Variants in PRKCH observed in about 807,000 individuals in gnomAD.
PRKCH encodes protein kinase C eta.
A neutral mutation model predicts 82.5 loss-of-function variants in PRKCH; 28 were observed. The observed-to-expected ratio is 0.34, with a 90% CI of 0.25 to 0.47. The LOEUF (loss-of-function observed/expected upper bound fraction) is 0.47, where lower values mean the gene tolerates loss of function less well. PRKCH is among the 20% of genes least tolerant of loss of function. The pLI, the probability that PRKCH is intolerant of heterozygous loss-of-function variation, is 1.00. For missense variants in PRKCH, 705 were observed against 881.8 expected (o/e 0.80, Z 2.54); for synonymous variants, 322 against 327.4 (o/e 0.98, Z 0.18).
intron 10 of PRKCH, among the ~76,000 whole-genome samples, chr14:61,508,192 T>C (rs1021978659): frequency 6.6e-6 from 1 of 152,138 alleles, no homozygotes; most frequent in African/African-American, 2.4e-5. Context: ...AGCTACTGTA[T>C]TTCCTTGATT....
chr14:61,317,179 C>T (rs1435884951), upstream of PRKCH, among the ~76,000 whole-genome samples: 1 of 152,216 alleles, frequency 6.6e-6, no homozygotes, highest in Admixed American at 6.5e-5. Flanking sequence ...CCTGCAGTCT[C>T]AGAACGCTAT....
intron 1 of PRKCH, among the ~76,000 whole-genome samples, chr14:61,355,160 A>C (rs982573916): frequency 2.0e-5 from 3 of 152,226 alleles, no homozygotes; most frequent in African/African-American, 4.8e-5. Context: ...AATTCCAGCA[A>C]GTCATTTAAT....
At chr14:61,420,597 C>T (rs888265994) in intron 2 of PRKCH, among the ~76,000 whole-genome samples, 1 of 152,210 alleles carries the variant, frequency 6.6e-6, no homozygotes, top group Non-Finnish European at 1.5e-5. Flanking sequence ...AAAGGACTCT[C>T]TCTGTGTTTT....
intron 1 of PRKCH, among the ~76,000 whole-genome samples, chr14:61,343,130 T>G (rs993301518): frequency 2.0e-5 from 3 of 152,322 alleles, no homozygotes; most frequent in Middle Eastern, 3.4e-3. Context: ...TAACTGGACT[T>G]GACTTTCAAG....
intron 9 of PRKCH, among the ~76,000 whole-genome samples, chr14:61,483,772 G>A (rs1260762993): frequency 6.6e-6 from 1 of 152,240 alleles, no homozygotes; most frequent in East Asian, 1.9e-4. Context: ...TCAAGGCTGG[G>A]TGTGGTAGCT....
At chr14:61,364,037 A>G (rs1035066617) in intron 1 of PRKCH, among the ~76,000 whole-genome samples, 1 of 143,818 alleles carries the variant, frequency 7.0e-6, no homozygotes, top group Non-Finnish European at 1.5e-5. Flanking sequence ...TATATATATA[A>G]TATATATATA....
At chr14:61,382,096 G>A (rs972627979) in intron 1 of PRKCH, among the ~76,000 whole-genome samples, 40 of 152,198 alleles carry the variant, frequency 2.6e-4, no homozygotes, top group Admixed American at 6.5e-4. Context: ...GCATTTAGCA[G>A]TTGGCCAAGC....
At chr14:61,258,678 A>G (rs1476937127) in intron 1 of PRKCH, among the ~76,000 whole-genome samples, 1 of 152,182 alleles carries the variant, frequency 6.6e-6, no homozygotes, top group African/African-American at 2.4e-5. Flanking sequence ...TGCCCAGACA[A>G]TATAGATATC....
At chr14:61,216,798 T>C (rs370362469) in intron 1 of PRKCH, among the ~76,000 whole-genome samples, 1 of 152,076 alleles carries the variant, frequency 6.6e-6, no homozygotes, top group East Asian at 1.9e-4. Flanking sequence ...TGTACAAAAG[T>C]AAGGTAATTT....
In PRKCH at chr14:61,281,363, C is replaced by T. The variant is rs1473787842; in HGVS notation, c.-19+93695C>T. 14 of 351,382 alleles carry T rather than the reference C, an allele frequency of 4.0e-5. No homozygotes were observed. In the East Asian group the frequency reaches 6.4e-4, roughly 16 times the overall value. 21.8% of individuals were successfully genotyped at this position (351,382 alleles called of 1,614,324 possible). On this transcript the variant is annotated intron_variant, in intron 1 of 3. Coordinates refer to the PRKCH transcript ENST00000555185. ...TGCCCACACCCTCCCAGTTCCGCCT[C>T]CGCCCAGGTGCGCTGCACCCCCGCG...
At chr14:61,199,391 C>T (rs1482180968) in intron 1 of PRKCH, among the ~76,000 whole-genome samples, 1 of 152,214 alleles carries the variant, frequency 6.6e-6, no homozygotes, top group East Asian at 1.9e-4. Context: ...AGCTCTTTTG[C>T]TCCCTGGAGA....
At chr14:61,374,783 C>G (rs906278467) in intron 1 of PRKCH, among the ~76,000 whole-genome samples, 1 of 151,998 alleles carries the variant, frequency 6.6e-6, no homozygotes, top group Non-Finnish European at 1.5e-5. Flanking sequence ...GCCTCCCAGT[C>G]TGTGATGAGA....
intron 2 of PRKCH, among the ~76,000 whole-genome samples, chr14:61,416,979 G>A (rs753610999): frequency 1.3e-5 from 2 of 151,960 alleles, no homozygotes; most frequent in Non-Finnish European, 2.9e-5. Context: ...TGAAATTCTG[G>A]GACAACAGGA....
At position 61,243,546 on chromosome 14, in the gene PRKCH, C is replaced by T. The variant is rs150324078; in HGVS notation, c.-19+55878C>T. 2.6e-3 allele frequency among the ~76,000 whole-genome samples: 399 copies of T among 152,002 alleles called. 4 individuals carry two copies. Among genetic ancestry groups the T allele is most frequent in the Admixed American group, 0.019 (283 of 15,278 alleles). On this transcript the variant is annotated intron_variant, in intron 1 of 3. Transcript: ENST00000555185. The stretch of plus-strand genomic sequence containing the variant: ...GCCAGAGTAGCTACAGCTTGGGGAA[C>T]GGAGGGTGTTCAGGTATGGCAAGAC...
intron 2 of PRKCH, among the ~76,000 whole-genome samples, chr14:61,433,751 T>C (rs966602139): frequency 1.3e-5 from 2 of 152,230 alleles, no homozygotes; most frequent in Non-Finnish European, 2.9e-5. Flanking sequence ...TAAAAAGATA[T>C]GAAAAGATGT....
chr14:61,508,361 T>A (rs1468952425), intron 10 of PRKCH, among the ~76,000 whole-genome samples: 1 of 152,084 alleles, frequency 6.6e-6, no homozygotes, highest in Non-Finnish European at 1.5e-5. Flanking sequence ...AGAATCAAAG[T>A]GATACAGAGA....
chr14:61,293,829 A>C (rs1365553708), intron 1 of PRKCH, among the ~76,000 whole-genome samples: 1 of 152,148 alleles, frequency 6.6e-6, no homozygotes, highest in Non-Finnish European at 1.5e-5. Flanking sequence ...TCCAAGGAAA[A>C]TCTTACCAGG....
At chr14:61,197,126 A>C (rs888161441) in intron 1 of PRKCH, among the ~76,000 whole-genome samples, 2 of 152,176 alleles carry the variant, frequency 1.3e-5, no homozygotes, top group Non-Finnish European at 2.9e-5. Flanking sequence ...CATCCTTCAG[A>C]GCTCAGCTTA....
rs546141894 is a variant in PRKCH, at chr14:61,547,533, G to T, written c.1762-210G>T. On this transcript the variant is annotated intron_variant, in intron 12 of 13. Coordinates refer to ENST00000332981, the MANE Select transcript of PRKCH (RefSeq NM_006255.5). ...TTTAGTGGCCATGTCTGAAATGGAAGTGGGAAAAGCCATAAATCCACACAG... is the reference window on the plus strand; with the variant it reads ...TTTAGTGGCCATGTCTGAAATGGAATTGGGAAAAGCCATAAATCCACACAG... Among the ~76,000 whole-genome samples the T allele has an allele frequency of 3.3e-5, 5 of 152,318 alleles. No individual in the cohort carries two copies. The East Asian group carries it at 9.6e-4, about 29-fold the overall frequency.
Sources: allele counts gnomAD v4.1 joint callset (sites outside exome capture counted in the v4.1 genomes callset), GRCh38; gene constraint gnomAD v4.1.1; transcripts MANE v1.5; gene names NCBI Gene and HGNC (gene_info 2026-07-23, HGNC 2026-07-21).